The following RNF121 variants were observed in gnomAD, a reference collection of about 807,000 sequenced individuals.
The protein encoded by RNF121 is ring finger protein 121.
RNF121 carries 21 observed loss-of-function variants against 46.5 expected under a neutral mutation model. That is an observed-to-expected ratio of 0.45 (90% CI 0.32 to 0.65). RNF121 has a LOEUF of 0.65. Among genes scored for constraint, RNF121 ranks in the 30% least tolerant of loss-of-function variants. The pLI is 0.04. For synonymous variants in RNF121, 139 were observed against 144.7 expected (o/e 0.96, Z 0.28); for missense variants, 346 against 416.0 (o/e 0.83, Z 1.46).
In RNF121 at chr11:71,996,081, C is replaced by T. The variant is rs912637380; in HGVS notation, c.864-114C>T. The T allele has an allele frequency of 2.2e-6, 3 of 1,335,494 alleles. No individual in the cohort carries two copies. In the African/African-American group the frequency reaches 4.4e-5, roughly 19 times the overall value. 82.7% of individuals were successfully genotyped at this position (1,335,494 alleles called of 1,614,324 possible). A position where few individuals can be genotyped will look rare whatever the true frequency, so the allele number is the denominator to read the frequency against. On this transcript the variant is annotated intron_variant, in intron 8 of 8. Coordinates refer to ENST00000361756, the MANE Select transcript of RNF121 (RefSeq NM_018320.5). ...CCCTTCCAGAAAGCAGCCTCCATTC[C>T]TCTAGGCTGTGGAGCAGCTGGAAAG...
At chr11:71,979,186 G>A (rs1204278920) in intron 3 of RNF121, among the ~76,000 whole-genome samples, 1 of 152,198 alleles carries the variant, frequency 6.6e-6, no homozygotes, top group Non-Finnish European at 1.5e-5. Context: ...GGGATACAGA[G>A]CTAGTTGATA....
intron 3 of RNF121, among the ~76,000 whole-genome samples, chr11:71,971,395 T>A (rs1262438176): frequency 6.6e-6 from 1 of 152,038 alleles, no homozygotes; most frequent in Non-Finnish European, 1.5e-5. Flanking sequence ...AATAAATAAG[T>A]AAATGAACTT....
chr11:71,976,312 T>C (rs1209037679), intron 3 of RNF121, among the ~76,000 whole-genome samples: 1 of 150,662 alleles, frequency 6.6e-6, no homozygotes, highest in South Asian at 2.1e-4. Flanking sequence ...CAGAGAACAG[T>C]AGACCTGCTG....
chr11:71,951,248 A>G (rs1224923815), intron 1 of RNF121, among the ~76,000 whole-genome samples: 1 of 151,648 alleles, frequency 6.6e-6, no homozygotes, highest in East Asian at 1.9e-4. Flanking sequence ...CGTCTAAGCC[A>G]ACTCTCTCAT....
intron 5 of RNF121, among the ~76,000 whole-genome samples, chr11:71,988,982 A>C (rs1233502869): frequency 6.6e-6 from 1 of 152,222 alleles, no homozygotes; most frequent in East Asian, 1.9e-4. Context: ...CAAAGAAAAC[A>C]GATATCTCCT....
Position 71,929,098 on chromosome 11 carries a change from G to A in RNF121, c.37G>A (p.Ala13Thr). 1.3e-6 allele frequency: 2 copies of A among 1,551,804 alleles called. No individual in the cohort carries two copies. The highest frequency in any genetic ancestry group is 1.7e-6 in the Non-Finnish European group (2 of 1,147,082). Residue 13 changes from alanine to threonine, a missense_variant, in exon 1 of 9, where the codon GCT becomes ACT. Ala to Thr is a moderately conservative substitution (Grantham distance 58). Transcript: ENST00000361756. ...GGTGGAGGTGGAGGTTGGAGGTGGT[G>A]CTGCTGGGGAACGGGAGCTGGATGA... Reference protein sequence around the residue: ...AVVEVEVGGGAAGERELDEVD... With the variant: ...AVVEVEVGGGTAGERELDEVD...
chr11:71,972,589 C>A (rs1954442017), intron 3 of RNF121, among the ~76,000 whole-genome samples: 1 of 151,818 alleles, frequency 6.6e-6, no homozygotes, highest in South Asian at 2.1e-4. Context: ...CCATATAATT[C>A]TTTTTTTCTC....
At chr11:71,967,339 G>T (rs187253844) in intron 3 of RNF121, among the ~76,000 whole-genome samples, 343 of 68,380 alleles carry the variant, frequency 5.0e-3, no homozygotes, top group Middle Eastern at 0.03. Context: ...TAATTATGTG[G>T]GTTTTTTTTG....
intron 4 of RNF121, among the ~76,000 whole-genome samples, chr11:71,984,485 G>T (rs1954727073): frequency 6.6e-6 from 1 of 152,076 alleles, no homozygotes; most frequent in South Asian, 2.1e-4. Flanking sequence ...GTTTCCCCGT[G>T]TTAGCCAGGA....
chr11:71,959,341 A>T (rs752317937), intron 2 of RNF121, among the ~76,000 whole-genome samples: 1 of 150,014 alleles, frequency 6.7e-6, no homozygotes, highest in Admixed American at 6.6e-5. Context: ...GAACACCTTT[A>T]TACTTACCAC....
intron 1 of RNF121, among the ~76,000 whole-genome samples, chr11:71,942,776 A>ATG (rs1953609909): frequency 8.1e-5 from 1 of 12,386 alleles, no homozygotes; most frequent in Non-Finnish European, 8.6e-4. Flanking sequence ...ATATCTGTAT[A>ATG]TATATATATA....
chr11:71,944,653 G>A lies in RNF121; in HGVS notation c.64-12574G>A, dbSNP rs376723210. The stretch of plus-strand genomic sequence containing the variant: ...GTGCTCCTGTGGAGGGCATTGTGTA[G>A]TCTACTAAGGAGTTCTTACTTTCAC... On this transcript the variant is annotated intron_variant, in intron 1 of 8. Transcript: ENST00000361756. Among the ~76,000 whole-genome samples, 231 of 152,292 alleles carry A rather than the reference G, an allele frequency of 1.5e-3. 3 individuals are homozygous for A. The South Asian group carries it at 0.028, about 18-fold the overall frequency.
chr11:71,944,970 C>A (rs1953679585), intron 1 of RNF121, among the ~76,000 whole-genome samples: 1 of 151,486 alleles, frequency 6.6e-6, no homozygotes, highest in Admixed American at 6.6e-5. Context: ...TAGTATTTCT[C>A]TTACAAGGAA....
At position 71,929,096 on chromosome 11, in the gene RNF121, G is replaced by A; in HGVS notation, c.35G>A (p.Gly12Asp). ...AAVVEVEVGG[G>D]AAGERELDEV... Reference sequence around the variant, plus strand: ...GTGGTGGAGGTGGAGGTTGGAGGTGGTGCTGCTGGGGAACGGGAGCTGGAT... The same window carrying A: ...GTGGTGGAGGTGGAGGTTGGAGGTGATGCTGCTGGGGAACGGGAGCTGGAT... Residue 12 changes from glycine to aspartate, a missense_variant, in exon 1 of 9, where the codon GGT becomes GAT. By Grantham distance (94) the Gly-to-Asp change is moderately conservative. Around this residue, in one of 2 missense-constraint regions of RNF121, gnomAD observed 60 missense variants for 32.2 expected, o/e 1.86. Transcript: ENST00000361756. 4 of 1,551,770 alleles carry A rather than the reference G, an allele frequency of 2.6e-6. No individual in the cohort carries two copies. Among genetic ancestry groups the A allele is most frequent in the Non-Finnish European group, 3.5e-6 (4 of 1,147,078 alleles).
Position 71,990,762 on chromosome 11 carries a change from A to G in RNF121, c.627+45A>G, listed in dbSNP as rs753484509. The stretch of plus-strand genomic sequence containing the variant: ...TAAATACTGCTTCTTGACACCTCCA[A>G]ATTGCTCAAGTTGATGTCACTTGTT... On this transcript the variant is annotated intron_variant, in intron 6 of 8. Coordinates refer to ENST00000361756, the MANE Select transcript of RNF121 (RefSeq NM_018320.5). 6.2e-6 allele frequency: 10 copies of G among 1,606,970 alleles called. No homozygotes were observed. In the African/African-American group the frequency reaches 6.7e-5, roughly 11 times the overall value.
Position 71,960,822 on chromosome 11 carries a change from C to G in RNF121, c.174C>G (p.Leu58=), listed in dbSNP as rs572628062. The part of the protein sequence containing the change: ...EAMHAEMVLI[L]IATLVVAQLL... ...TGCATGCTGAAATGGTCCTCATCCT[C>G]ATCGCAACCTTGGTGGTGGCCCAGC... is the stretch of plus-strand genomic sequence containing the variant. Residue 58 remains leucine (L), a synonymous_variant, in exon 3 of 9, where the codon CTC becomes CTG. Coordinates refer to ENST00000361756, the MANE Select transcript of RNF121 (RefSeq NM_018320.5). 6.2e-7 allele frequency: 1 copy of G among 1,614,196 alleles called. No individual in the cohort carries two copies. The highest frequency in any genetic ancestry group is 1.7e-5 in the Admixed American group (1 of 60,032).
intron 1 of RNF121, among the ~76,000 whole-genome samples, chr11:71,935,996 T>C (rs1409138796): frequency 2.0e-5 from 3 of 151,738 alleles, no homozygotes; most frequent in East Asian, 1.9e-4. Flanking sequence ...TACAGGTGTG[T>C]GCCACCACGC....
chr11:71,933,620 C>A (rs961172303), intron 1 of RNF121, among the ~76,000 whole-genome samples: 4 of 152,136 alleles, frequency 2.6e-5, no homozygotes, highest in African/African-American at 9.7e-5. Flanking sequence ...TGTTATAGTC[C>A]ACTGATTGGG....
At chr11:71,953,461 G>T (rs1381556958) in intron 1 of RNF121, among the ~76,000 whole-genome samples, 1 of 152,166 alleles carries the variant, frequency 6.6e-6, no homozygotes, top group Admixed American at 6.5e-5. Flanking sequence ...GTGAGTGCTG[G>T]GATGTAGTAG....
Sources: gnomAD v4.1 joint callset for allele counts (sites outside exome capture counted in the v4.1 genomes callset) on GRCh38, gnomAD v4.1.1 for gene constraint, gnomAD v4.1.1 regional missense constraint, MANE v1.5 for transcripts, NCBI Gene and HGNC (gene_info 2026-07-23, HGNC 2026-07-21) for gene names.